The following NFATC2 variants were observed in gnomAD, a reference collection of about 807,000 sequenced individuals.
NFATC2 encodes the protein nuclear factor of activated T cells 2, also known as nuclear factor of activated T-cells, cytoplasmic 2.
In NFATC2, 22 loss-of-function variants were observed where a neutral mutation model predicts 87.3. The observed-to-expected ratio is 0.25, with a 90% CI of 0.18 to 0.36. NFATC2 has a LOEUF of 0.36. Ranked by LOEUF, NFATC2 falls within the 10% of genes least tolerant of loss-of-function variation. The pLI, the probability that NFATC2 is intolerant of heterozygous loss-of-function variation, is 1.00. For synonymous variants in NFATC2, 565 were observed against 542.2 expected (o/e 1.04, Z -0.58); for missense variants, 1,149 against 1,259.1 (o/e 0.91, Z 1.32).
At chr20:51,451,876 C>T (rs1985834372) in intron 6 of NFATC2, among the ~76,000 whole-genome samples, 1 of 152,118 alleles carries the variant, frequency 6.6e-6, no homozygotes, top group Admixed American at 6.5e-5. Flanking sequence ...AAGCTCAGGG[C>T]TCCCAGTGAT....
chr20:51,542,750 G>GGA (rs1555819091), upstream of NFATC2: 2 of 567,868 alleles, frequency 3.5e-6, no homozygotes, highest in African/African-American at 1.2e-4. Context: ...CCGGGGAGGC[G>GGA]GGGGGGGGGG....
chr20:51,522,082 C>T (rs941587481), intron 2 of NFATC2, among the ~76,000 whole-genome samples: 1 of 152,086 alleles, frequency 6.6e-6, no homozygotes, highest in Non-Finnish European at 1.5e-5. Context: ...AGGTTATATG[C>T]AAATACTATA....
chr20:51,419,641 C>G (rs1192199895), intron 9 of NFATC2, among the ~76,000 whole-genome samples: 1 of 152,216 alleles, frequency 6.6e-6, no homozygotes, highest in East Asian at 1.9e-4. Flanking sequence ...ACAGCAGCCT[C>G]TACATCCTAA....
chr20:51,448,145 G>C (rs1172070103), intron 6 of NFATC2, among the ~76,000 whole-genome samples: 1 of 152,196 alleles, frequency 6.6e-6, no homozygotes, highest in Non-Finnish European at 1.5e-5. Context: ...GAGAGACCAG[G>C]TGATAAATGA....
intron 2 of NFATC2, among the ~76,000 whole-genome samples, chr20:51,518,541 A>G (rs527276783): frequency 1.1e-4 from 16 of 150,868 alleles, no homozygotes; most frequent in South Asian, 8.4e-4. Context: ...AATCCCTCTT[A>G]CCCTGCAGTC....
chr20:51,398,691 A>G lies in NFATC2; in HGVS notation c.2762T>C (p.Leu921Ser), dbSNP rs1555866491. The change falls in exon 10 of 11, where the codon TTA (leucine) becomes TCA (serine). Residue 921 changes from leucine to serine, a missense_variant. By Grantham distance (145) the Leu-to-Ser change is moderately radical. Around this residue, in one of 3 missense-constraint regions of NFATC2, gnomAD observed 581 missense variants for 649.7 expected, o/e 0.89. Coordinates refer to ENST00000371564, the MANE Select transcript of NFATC2 (RefSeq NM_012340.5). ...AAAGATCACAGTCATTCTGTTTCAT[A>G]ATATGTTTTGTATCCAGCTAAGGTG... is the stretch of plus-strand genomic sequence containing the variant. ...DTHLSWIQNIL is the reference protein window; with the variant it reads ...DTHLSWIQNIS The G allele has an allele frequency of 1.9e-6, 3 of 1,613,336 alleles. No individual in the cohort carries two copies. The highest frequency in any genetic ancestry group is 2.2e-5 in the South Asian group (2 of 90,960).
rs1989110187 is a variant in NFATC2, at chr20:51,480,111, A to G, written c.1333-4451T>C. Among the ~76,000 whole-genome samples the G allele has an allele frequency of 6.6e-6, 1 of 152,116 alleles. No homozygotes were observed. The highest frequency in any genetic ancestry group is 2.4e-5 in the African/African-American group (1 of 41,406). On this transcript the variant is annotated intron_variant, in intron 3 of 10. Transcript: ENST00000371564. The surrounding 1 kb of genome is among the most constrained non-coding windows in gnomAD (Gnocchi z 4.2). ...AAGACCAGCCCGGGCAACATGGTGA[A>G]ACCCCGTCTCTGTGAAAAATACAAA...
intron 3 of NFATC2, among the ~76,000 whole-genome samples, chr20:51,488,539 C>A (rs117609460): frequency 3.4e-3 from 514 of 152,270 alleles, no homozygotes; most frequent in Non-Finnish European, 5.5e-3. Flanking sequence ...TCCCCTGGGA[C>A]ACGAAATCAC....
intron 3 of NFATC2, among the ~76,000 whole-genome samples, chr20:51,477,545 A>C (rs1355184287): frequency 2.3e-5 from 2 of 85,184 alleles, no homozygotes; most frequent in African/African-American, 1.2e-4. Context: ...CTATATATAT[A>C]TATATATATA....
intron 1 of NFATC2, among the ~76,000 whole-genome samples, chr20:51,531,809 T>C (rs995314367): frequency 6.6e-6 from 1 of 152,216 alleles, no homozygotes; most frequent in East Asian, 1.9e-4. Context: ...TTCCCTGCTA[T>C]AGTTAGTCTA....
rs1986170955 is a variant in NFATC2, at chr20:51,390,206, A to C, written c.*1290T>G. ...ATTCGAGTAGATTTCTTCATGTTAG[A>C]ATTTGAGTGCGGATAGGTCTTCAGG... On this transcript the variant is annotated 3_prime_UTR_variant, in exon 11 of 11. Transcript: ENST00000371564. 6.6e-6 allele frequency: 1 copy of C among 152,170 alleles called. No homozygotes were observed. The highest frequency in any genetic ancestry group is 2.1e-4 in the South Asian group (1 of 4,828). 9.4% of individuals were successfully genotyped at this position (152,170 alleles called of 1,614,324 possible).
intron 2 of NFATC2, among the ~76,000 whole-genome samples, chr20:51,519,602 G>A (rs7271991): frequency 0.076 from 11,279 of 149,170 alleles, 624 homozygotes; most frequent in African/African-American, 0.16. Context: ...CAGCCTCGGC[G>A]ACAGAGCAAG....
intron 9 of NFATC2, among the ~76,000 whole-genome samples, chr20:51,418,516 G>A (rs1980364697): frequency 6.6e-6 from 1 of 152,226 alleles, no homozygotes; most frequent in Non-Finnish European, 1.5e-5. Context: ...TGCTTCAAGA[G>A]AAAAGGTAAT....
chr20:51,445,259 G>A (rs188792430), intron 6 of NFATC2, among the ~76,000 whole-genome samples: 38 of 152,216 alleles, frequency 2.5e-4, no homozygotes, highest in African/African-American at 8.9e-4. Flanking sequence ...GCCCGGGCCT[G>A]CTTCCCATTC....
At chr20:51,507,337 TA>T (rs57233896) in intron 3 of NFATC2, among the ~76,000 whole-genome samples, 8,177 of 152,176 alleles carry the variant, frequency 0.054, 325 homozygotes, top group Middle Eastern at 0.15. Context: ...AGCGTGTAAA[TA>T]AACAACTCTC....
intron 2 of NFATC2, among the ~76,000 whole-genome samples, chr20:51,517,818 G>C (rs1443986294): frequency 6.6e-6 from 1 of 151,568 alleles, no homozygotes; most frequent in Non-Finnish European, 1.5e-5. Flanking sequence ...TCAGGAGGCT[G>C]AGGCATGAGA....
chr20:51,533,808 G>A (rs1396170269), intron 1 of NFATC2, among the ~76,000 whole-genome samples: 7 of 152,222 alleles, frequency 4.6e-5, no homozygotes, highest in South Asian at 2.1e-4. Flanking sequence ...GAACCCACGC[G>A]CTGACACGTA....
intron 9 of NFATC2, among the ~76,000 whole-genome samples, chr20:51,415,540 T>A (rs981783888): frequency 3.3e-5 from 5 of 152,140 alleles, no homozygotes; most frequent in Admixed American, 6.5e-5. Context: ...CCAAGCTTCA[T>A]GCCAGAGAAC....
chr20:51,435,059 G>T, intron 8 of NFATC2, 129 bp downstream of exon 8: 1 of 1,126,236 alleles, frequency 8.9e-7, no homozygotes, highest in Non-Finnish European at 1.3e-6. Flanking sequence ...CACAGATGAT[G>T]CAACTGAGGC....
Sources: allele counts gnomAD v4.1 joint callset (sites outside exome capture counted in the v4.1 genomes callset), GRCh38; gene constraint gnomAD v4.1.1; regional missense constraint gnomAD v4.1.1; non-coding constraint Gnocchi (gnomAD v3.1); transcripts MANE v1.5; gene names NCBI Gene and HGNC (gene_info 2026-07-23, HGNC 2026-07-21).